Variants in MITF observed in about 807,000 individuals in gnomAD.
The protein encoded by MITF is microphthalmia-associated transcription factor.
MITF carries 17 observed loss-of-function variants against 60.5 expected under a neutral mutation model. The observed-to-expected ratio is 0.28, with a 90% CI of 0.19 to 0.42. The LOEUF (loss-of-function observed/expected upper bound fraction) is 0.42. MITF is among the 10% of genes least tolerant of loss of function. MITF has a pLI of 1.00. For missense variants in MITF, 622 were observed against 683.5 expected (o/e 0.91, Z 1.00); for synonymous variants, 260 against 248.5 (o/e 1.05, Z -0.43).
chr3:69,784,002 C>T (rs2062608776), intron 1 of MITF, among the ~76,000 whole-genome samples: 1 of 152,102 alleles, frequency 6.6e-6, no homozygotes, highest in African/African-American at 2.4e-5. Context: ...CTTTCTTCTC[C>T]CCTTTCAAAT....
intron 1 of MITF, among the ~76,000 whole-genome samples, chr3:69,810,975 T>C (rs1283691423): frequency 6.6e-6 from 1 of 152,260 alleles, no homozygotes; most frequent in Non-Finnish European, 1.5e-5. Flanking sequence ...TCTTCCCTTA[T>C]TTTAACTTCA....
chr3:69,901,683 A>G (rs976427376), intron 2 of MITF, among the ~76,000 whole-genome samples: 1 of 152,192 alleles, frequency 6.6e-6, no homozygotes, highest in African/African-American at 2.4e-5. Context: ...ATAGATTGCA[A>G]CCAGATGATG....
At chr3:69,938,507 A>C in intron 3 of MITF, 1 of 1,458,592 alleles carries the variant, frequency 6.9e-7, no homozygotes, top group South Asian at 1.5e-5. Context: ...GGAAGAAAGA[A>C]TGGAATATGC....
rs549595594 is a variant in MITF, at chr3:69,822,588, G to A, written c.105-56546G>A. 4.6e-5 allele frequency among the ~76,000 whole-genome samples: 7 copies of A among 152,094 alleles called. No individual in the cohort carries two copies. The East Asian group carries it at 1.2e-3, about 25-fold the overall frequency. ...GAAAAAGACCAAACCTAACCAACCC[G>A]AACAGAAACAAGAAATGAAAAACTT... is the stretch of plus-strand genomic sequence containing the variant. On this transcript the variant is annotated intron_variant, in intron 1 of 9. Coordinates refer to ENST00000352241, the MANE Select transcript of MITF (RefSeq NM_001354604.2).
At position 69,811,246 on chromosome 3, in the gene MITF, A is replaced by T. The variant is rs2063095916; in HGVS notation, c.105-67888A>T. 1.3e-5 allele frequency among the ~76,000 whole-genome samples: 2 copies of T among 152,186 alleles called. 1 individual carries two copies. The highest frequency in any genetic ancestry group is 4.8e-5 in the African/African-American group (2 of 41,456). ...AGACTCTCTGAAATACTTTACGAGTATTTACATGTTATGGCTATTTATGTA... is the reference window on the plus strand; with the variant it reads ...AGACTCTCTGAAATACTTTACGAGTTTTTACATGTTATGGCTATTTATGTA... On this transcript the variant is annotated intron_variant, in intron 1 of 9. Coordinates refer to ENST00000352241, the MANE Select transcript of MITF (RefSeq NM_001354604.2).
At chr3:69,957,539 G>A (rs1234812641) in intron 8 of MITF, among the ~76,000 whole-genome samples, 9 of 152,156 alleles carry the variant, frequency 5.9e-5, no homozygotes, top group Admixed American at 4.6e-4. Flanking sequence ...TTTCAAACCC[G>A]AAACATTTCA....
intron 1 of MITF, among the ~76,000 whole-genome samples, chr3:69,858,634 G>GACAAAC (rs1248478293): frequency 2.0e-5 from 3 of 152,132 alleles, no homozygotes; most frequent in African/African-American, 7.2e-5. Flanking sequence ...GACAACCACT[G>GACAAAC]AAAAGACAGA....
At chr3:69,838,141 T>C (rs1160204900) in intron 1 of MITF, among the ~76,000 whole-genome samples, 1 of 152,186 alleles carries the variant, frequency 6.6e-6, no homozygotes, top group African/African-American at 2.4e-5. Context: ...TAGAATTGAA[T>C]AGAAATGTTC....
At chr3:69,831,018 T>A (rs1346882852) in intron 1 of MITF, among the ~76,000 whole-genome samples, 2 of 152,208 alleles carry the variant, frequency 1.3e-5, no homozygotes. Flanking sequence ...CTGACTTCTC[T>A]ACCCCTCAGT....
chr3:69,763,587 C>A, intron 1 of MITF: 1 of 1,192,090 alleles, frequency 8.4e-7, no homozygotes, highest in African/African-American at 1.6e-5. Context: ...AGAGAAGGTG[C>A]ACGTAAGCGT....
At position 69,789,407 on chromosome 3, in the gene MITF, T is replaced by A. The variant is rs1393954632; in HGVS notation, c.104+49706T>A. Among the ~76,000 whole-genome samples, 3 of 152,158 alleles carry A rather than the reference T, an allele frequency of 2.0e-5. No homozygotes were observed. The East Asian group carries it at 5.8e-4, about 29-fold the overall frequency. On this transcript the variant is annotated intron_variant, in intron 1 of 9. Transcript: ENST00000352241. ...AAAAAGTGCTCAATGTCACTCATCA[T>A]CTAAGAAATGCAAATCGGAACCACA... is the stretch of plus-strand genomic sequence containing the variant.
chr3:69,773,827 T>C (rs1265745830), intron 1 of MITF, among the ~76,000 whole-genome samples: 1 of 152,230 alleles, frequency 6.6e-6, no homozygotes, highest in Non-Finnish European at 1.5e-5. Flanking sequence ...TTATAAGCTT[T>C]ATCACTAGCC....
At chr3:69,817,887 G>A (rs911190028) in intron 1 of MITF, among the ~76,000 whole-genome samples, 1 of 152,098 alleles carries the variant, frequency 6.6e-6, no homozygotes, top group Non-Finnish European at 1.5e-5. Flanking sequence ...TCAGGAATGT[G>A]ATTGTAATAT....
At chr3:69,885,512 G>A (rs1381143581) in intron 2 of MITF, among the ~76,000 whole-genome samples, 2 of 151,992 alleles carry the variant, frequency 1.3e-5, no homozygotes, top group South Asian at 2.1e-4. Context: ...CCAGTAGAAC[G>A]TGCATCCTCA....
chr3:69,948,152 G>T (rs2066146576), intron 5 of MITF, among the ~76,000 whole-genome samples: 1 of 152,128 alleles, frequency 6.6e-6, no homozygotes, highest in Non-Finnish European at 1.5e-5. Flanking sequence ...GTACGTGTCT[G>T]CAGTGGAAGG....
At chr3:69,870,306 A>C (rs1415905939) in intron 1 of MITF, among the ~76,000 whole-genome samples, 1 of 148,686 alleles carries the variant, frequency 6.7e-6, no homozygotes, top group Non-Finnish European at 1.5e-5. Context: ...ATATATACAC[A>C]TACATATATA....
At chr3:69,767,714 C>T (rs1039365905) in intron 1 of MITF, among the ~76,000 whole-genome samples, 4 of 152,142 alleles carry the variant, frequency 2.6e-5, no homozygotes, top group East Asian at 1.9e-4. Flanking sequence ...AGTCTAAGCA[C>T]GGAGTGTGGC....
intron 2 of MITF, chr3:69,936,495 G>C: frequency 1.1e-6 from 1 of 949,632 alleles, no homozygotes. Context: ...AACTCGTAGG[G>C]CTTCCAAAAA....
intron 2 of MITF, 111 bp downstream of exon 2, chr3:69,879,494 T>A: frequency 6.5e-7 from 1 of 1,546,018 alleles, no homozygotes. Context: ...TTCAGAATTA[T>A]ATTTGAAAAC....
Sources: gnomAD v4.1 joint callset for allele counts (sites outside exome capture counted in the v4.1 genomes callset) on GRCh38, gnomAD v4.1.1 for gene constraint, MANE v1.5 for transcripts, NCBI Gene and HGNC (gene_info 2026-07-23, HGNC 2026-07-21) for gene names.